MAD1L1: variants seen among roughly 807,000 people sequenced by gnomAD.
The protein encoded by MAD1L1 is mitotic spindle assembly checkpoint protein MAD1.
A neutral mutation model predicts 96.9 loss-of-function variants in MAD1L1; 95 were observed. The observed-to-expected ratio is 0.98, with a 90% CI of 0.83 to 1.16. The LOEUF (loss-of-function observed/expected upper bound fraction) is 1.16. MAD1L1 is among the 50% of genes most tolerant of loss of function. The pLI, the probability that MAD1L1 is intolerant of heterozygous loss-of-function variation, is 0.00. For missense variants in MAD1L1, 1,007 were observed against 954.4 expected, an observed-to-expected ratio of 1.06 and a Z score of -0.73; for synonymous variants, 473 against 396.6, an observed-to-expected ratio of 1.19 and a Z score of -2.29.
At chr7:2,206,982 G>A (rs1241613328) in intron 10 of MAD1L1, among the ~76,000 whole-genome samples, 2 of 151,528 alleles carry the variant, frequency 1.3e-5, no homozygotes, top group Non-Finnish European at 2.9e-5. Flanking sequence ...TGGGGAGGCT[G>A]AGGCAGAATT....
At chr7:1,873,455 G>A (rs1287492120) in intron 18 of MAD1L1, among the ~76,000 whole-genome samples, 1 of 152,056 alleles carries the variant, frequency 6.6e-6, no homozygotes, top group African/African-American at 2.4e-5. Flanking sequence ...CGGTGGGGAG[G>A]GGCAGGTGGG....
intron 10 of MAD1L1, among the ~76,000 whole-genome samples, chr7:2,153,806 G>A (rs1021066140): frequency 4.6e-5 from 7 of 152,320 alleles, no homozygotes; most frequent in South Asian, 2.1e-4. Flanking sequence ...ATCGACAGAC[G>A]AATGGATAAA....
rs529320192 is a variant in MAD1L1 at position 2,216,048 on chromosome 7, A to G, written c.810-49T>C. On this transcript the variant is annotated intron_variant, in intron 8 of 18. Transcript: ENST00000265854. ...TCAAATAGCCACACACCCTAGGGAT[A>G]AGGCCAAGAGCCCGGGAGCCCTGCC... The G allele has an allele frequency of 2.8e-5, 45 of 1,611,810 alleles. 1 individual carries two copies. The South Asian group carries it at 3.6e-4, about 13-fold the overall frequency.
intron 18 of MAD1L1, among the ~76,000 whole-genome samples, chr7:1,883,595 A>G (rs112681276): frequency 6.6e-6 from 1 of 152,188 alleles, no homozygotes; most frequent in Non-Finnish European, 1.5e-5. Context: ...CTGACCTCTC[A>G]TGTCTCCAAC....
chr7:2,199,774 G>A (rs570039887), intron 10 of MAD1L1, among the ~76,000 whole-genome samples: 1 of 152,318 alleles, frequency 6.6e-6, no homozygotes, highest in Admixed American at 6.5e-5. Flanking sequence ...GGCTTTCTCA[G>A]CTGCAGCCCA....
intron 5 of MAD1L1, among the ~76,000 whole-genome samples, chr7:2,220,129 C>T (rs944281899): frequency 1.3e-5 from 2 of 152,228 alleles, no homozygotes; most frequent in African/African-American, 4.8e-5. Context: ...CACAGCAAGG[C>T]ACTGGCCAAC....
chr7:1,933,319 G>A (rs1271210600), intron 17 of MAD1L1, among the ~76,000 whole-genome samples: 1 of 152,188 alleles, frequency 6.6e-6, no homozygotes, highest in Non-Finnish European at 1.5e-5. Context: ...AACTGCCAAC[G>A]CCAGGTCCTT....
At chr7:2,052,419 C>T (rs1784222304) in intron 12 of MAD1L1, among the ~76,000 whole-genome samples, 1 of 150,346 alleles carries the variant, frequency 6.7e-6, no homozygotes, top group South Asian at 2.1e-4. Context: ...CGCCGGACAG[C>T]TCACTAGGGC....
chr7:1,875,680 G>A (rs189615736), intron 18 of MAD1L1, among the ~76,000 whole-genome samples: 24 of 152,336 alleles, frequency 1.6e-4, no homozygotes, highest in Admixed American at 8.5e-4. Context: ...GTTTAGTAAC[G>A]CTGCATGTGC....
chr7:1,887,765 G>A (rs111211053), intron 18 of MAD1L1, among the ~76,000 whole-genome samples: 5,797 of 151,130 alleles, frequency 0.038, 396 homozygotes, highest in African/African-American at 0.13. Flanking sequence ...ATGTGTGCAT[G>A]TGGCTGCCTG....
At chr7:1,945,368 T>C (rs572414738) in intron 16 of MAD1L1, among the ~76,000 whole-genome samples, 1 of 152,364 alleles carries the variant, frequency 6.6e-6, no homozygotes, top group South Asian at 2.1e-4. Flanking sequence ...ATGATGATGA[T>C]GAACACTTAC....
chr7:2,041,275 C>CG (rs1251581234), intron 12 of MAD1L1, among the ~76,000 whole-genome samples: 1 of 152,166 alleles, frequency 6.6e-6, no homozygotes, highest in African/African-American at 2.4e-5. Context: ...CACACATGCC[C>CG]GCACCTCCTA....
chr7:1,972,602 G>T lies in MAD1L1; in HGVS notation c.1505+7851C>A, dbSNP rs560174192. 1.1e-3 allele frequency among the ~76,000 whole-genome samples: 7 copies of T among 6,538 alleles called. No individual in the cohort carries two copies. In the South Asian group the frequency reaches 0.034, roughly 32 times the overall value. The allele number at this position is 6,538 out of a possible 152,430, so 4.3% of individuals were successfully genotyped here. ...TTGCTAGAGATTTGTCAATTTTATT[G>T]AATTTTTTTTCCAAAAAAGCCAGAA... On this transcript the variant is annotated intron_variant, in intron 15 of 18. Transcript: ENST00000265854.
At chr7:2,095,259 T>C (rs1015429333) in intron 11 of MAD1L1, among the ~76,000 whole-genome samples, 1 of 152,210 alleles carries the variant, frequency 6.6e-6, no homozygotes, top group Non-Finnish European at 1.5e-5. Context: ...TTAGCCGGGA[T>C]GGTCTCGATC....
chr7:1,850,993 A>G (rs539385706), intron 18 of MAD1L1, among the ~76,000 whole-genome samples: 2 of 152,334 alleles, frequency 1.3e-5, no homozygotes, highest in East Asian at 3.9e-4. Flanking sequence ...CGAGGACCAC[A>G]AATGTGTTGC....
intron 12 of MAD1L1, among the ~76,000 whole-genome samples, chr7:2,030,730 T>C (rs1341636607): frequency 1.3e-5 from 2 of 152,216 alleles, no homozygotes; most frequent in African/African-American, 2.4e-5. Context: ...TGGGCACCAA[T>C]GACCAGGTTT....
At chr7:2,122,757 G>A (rs577836037) in intron 11 of MAD1L1, among the ~76,000 whole-genome samples, 1 of 152,358 alleles carries the variant, frequency 6.6e-6, no homozygotes, top group Admixed American at 6.5e-5. Context: ...ACTGCCACCT[G>A]TGCAGGTGCA....
intron 18 of MAD1L1, among the ~76,000 whole-genome samples, chr7:1,842,643 C>T (rs577873450): frequency 1.3e-5 from 2 of 152,358 alleles, no homozygotes; most frequent in East Asian, 3.9e-4. Flanking sequence ...GGGAGGCCTT[C>T]GTCCTTCGTC....
At chr7:2,224,598 G>T (rs1194006521) in intron 4 of MAD1L1, among the ~76,000 whole-genome samples, 1 of 152,176 alleles carries the variant, frequency 6.6e-6, no homozygotes, top group African/African-American at 2.4e-5. Context: ...TGAATACACC[G>T]CATGATGTCA....
Sources: allele counts gnomAD v4.1 joint callset (sites outside exome capture counted in the v4.1 genomes callset), GRCh38; gene constraint gnomAD v4.1.1; transcripts MANE v1.5; gene names NCBI Gene and HGNC (gene_info 2026-07-23, HGNC 2026-07-21).